Variants in FMO4 observed in about 807,000 individuals in gnomAD.
FMO4 encodes dimethylaniline monooxygenase [N-oxide-forming] 4.
Under a neutral mutation model 43.3 loss-of-function variants are expected in FMO4, and 38 were observed. That is an observed-to-expected ratio of 0.88 (90% confidence interval 0.68 to 1.15). FMO4 has a LOEUF of 1.15. FMO4 is among the 50% of genes most tolerant of loss of function. FMO4 has a pLI of 0.00. For missense variants in FMO4, 631 were observed against 663.3 expected (o/e 0.95, Z 0.54); for synonymous variants, 224 against 232.2 (o/e 0.96, Z 0.32).
At chr1:171,314,814 A>G (rs1662129601) in intron 1 of FMO4, among the ~76,000 whole-genome samples, 1 of 152,184 alleles carries the variant, frequency 6.6e-6, no homozygotes, top group Non-Finnish European at 1.5e-5. Context: ...AGAAACATAA[A>G]ATGATCAAAT....
chr1:171,331,571 C>A, intron 5 of FMO4, 69 bp from the exon 6 acceptor site: 3 of 1,483,770 alleles, frequency 2.0e-6, no homozygotes, highest in South Asian at 1.2e-5. Context: ...TTCCACAGAC[C>A]CTATCCCTGC....
intron 1 of FMO4, among the ~76,000 whole-genome samples, chr1:171,315,617 C>T (rs1662166231): frequency 1.3e-5 from 2 of 152,178 alleles, no homozygotes; most frequent in Admixed American, 1.3e-4. Context: ...AACTAGAACT[C>T]AGATCTCTCA....
chr1:171,332,635 T>C, intron 6 of FMO4, 74 bp from the exon 7 acceptor site: 2 of 1,269,818 alleles, frequency 1.6e-6, no homozygotes, highest in Non-Finnish European at 2.3e-6. Context: ...TAAGATCATT[T>C]GAAACACACT....
intron 3 of FMO4, among the ~76,000 whole-genome samples, chr1:171,322,313 T>A (rs60209650): frequency 0.022 from 3,414 of 152,194 alleles, 128 homozygotes; most frequent in African/African-American, 0.075. Flanking sequence ...AAAAGGAACA[T>A]GTCCAGGGCA....
chr1:171,319,672 C>A, intron 2 of FMO4, 146 bp from the exon 3 acceptor site: 2 of 638,892 alleles, frequency 3.1e-6, no homozygotes, highest in Non-Finnish European at 5.4e-6. Context: ...GATTTCAGAG[C>A]CTGGATTTTT....
At chr1:171,331,895 A>C (rs1381787229) in intron 6 of FMO4, 113 bp downstream of exon 6, 4 of 822,542 alleles carry the variant, frequency 4.9e-6, no homozygotes, top group Non-Finnish European at 7.6e-6. Flanking sequence ...GCAGACACAC[A>C]GTAAGTGGGA....
intron 2 of FMO4, among the ~76,000 whole-genome samples, chr1:171,318,988 A>G (rs1662302471): frequency 1.3e-5 from 2 of 152,336 alleles, no homozygotes; most frequent in East Asian, 3.9e-4. Context: ...TAGAGGTGTC[A>G]TAAAATTAAT....
chr1:171,327,417 C>T (rs1356571696), intron 5 of FMO4, among the ~76,000 whole-genome samples: 1 of 152,164 alleles, frequency 6.6e-6, no homozygotes, highest in Non-Finnish European at 1.5e-5. Flanking sequence ...CTGTATGGTT[C>T]TGGGCAAGTT....
Position 171,324,177 on chromosome 1 carries a change from G to GA in FMO4, c.364dup (p.Thr122AsnfsTer16), listed in dbSNP as rs768293477. ...CATAACGAAGCGTCCAGACTTCTCC[G>GA]AAACTGGTCAGTGGGATGTTGTCAC... On this transcript the variant is annotated frameshift_variant, in exon 5 of 10. Coordinates refer to ENST00000367749, the MANE Select transcript of FMO4 (RefSeq NM_002022.3). LOFTEE classifies it high-confidence loss of function. 1 of 1,613,352 alleles carries GA rather than the reference G, an allele frequency of 6.2e-7. No homozygotes were observed. The highest frequency in any genetic ancestry group is 1.3e-5 in the African/African-American group (1 of 74,856).
chr1:171,333,146 C>T, intron 7 of FMO4: 2 of 353,758 alleles, frequency 5.7e-6, no homozygotes, highest in Non-Finnish European at 1.0e-5. Flanking sequence ...ATGAAAACTT[C>T]CATTTCCTGC....
chr1:171,331,509 C>T, intron 5 of FMO4, 131 bp from the exon 6 acceptor site: 1 of 776,680 alleles, frequency 1.3e-6, no homozygotes, highest in Non-Finnish European at 2.1e-6. Flanking sequence ...TTTCTACTTC[C>T]TGCCACAAGC....
rs544707397 is a variant in FMO4, at chr1:171,324,986, T to C, written c.484+686T>C. On this transcript the variant is annotated intron_variant, in intron 5 of 9. Transcript: ENST00000367749. ...ATCTGGGCATGATGGCTCATGCCTG[T>C]AATCCCAGCTACTCAGCAGGCTGAG... is the stretch of plus-strand genomic sequence containing the variant. 2.3e-4 allele frequency among the ~76,000 whole-genome samples: 35 copies of C among 152,270 alleles called. No individual in the cohort carries two copies. In the South Asian group the frequency reaches 7.3e-3, roughly 32 times the overall value.
chr1:171,341,438 G>A lies in FMO4; in HGVS notation c.1276G>A (p.Asp426Asn). Reference sequence around the variant, plus strand: ...GGGAGTGTTTAAAGACACCAGCAAAGACAAATTTGACTACATTGCCTACAT... The same window carrying A: ...GGGAGTGTTTAAAGACACCAGCAAAAACAAATTTGACTACATTGCCTACAT... ...KRGVFKDTSKDKFDYIAYMDD... is the reference protein window; with the variant it reads ...KRGVFKDTSKNKFDYIAYMDD... The change falls in exon 10 of 10, where the codon GAC becomes AAC. Residue 426 changes from aspartate to asparagine, a missense_variant. Physicochemically the swap from Asp to Asn is conservative, Grantham distance 23 (BLOSUM62 1). Coordinates refer to ENST00000367749, the MANE Select transcript of FMO4 (RefSeq NM_002022.3). 1 of 1,613,780 alleles carries A rather than the reference G, an allele frequency of 6.2e-7. No homozygotes were observed. Among genetic ancestry groups the A allele is most frequent in the Non-Finnish European group, 8.5e-7 (1 of 1,179,858 alleles).
intron 3 of FMO4, among the ~76,000 whole-genome samples, chr1:171,321,282 C>A (rs554487622): frequency 6.6e-6 from 1 of 151,920 alleles, no homozygotes; most frequent in Non-Finnish European, 1.5e-5. Context: ...CAAATTAGTA[C>A]TATTAACATT....
At chr1:171,319,606 G>C (rs950702625) in intron 2 of FMO4, among the ~76,000 whole-genome samples, 1 of 152,030 alleles carries the variant, frequency 6.6e-6, no homozygotes, top group African/African-American at 2.4e-5. Flanking sequence ...AGGATAGTTA[G>C]CCCAAGATCA....
chr1:171,318,539 T>G (rs1662284141), intron 2 of FMO4, among the ~76,000 whole-genome samples: 1 of 152,106 alleles, frequency 6.6e-6, no homozygotes, highest in South Asian at 2.1e-4. Context: ...TCAAGTCTTT[T>G]CAGATTTTGG....
chr1:171,341,979 C>A lies in FMO4; in HGVS notation c.*140C>A, dbSNP rs760966400. ...TCTCCTATCTGAATTATTGTATTAT[C>A]TTCTTCTTTGTTTTCAGTACCCTCT... On this transcript the variant is annotated 3_prime_UTR_variant, in exon 10 of 10. Transcript: ENST00000367749. 2.3e-5 allele frequency: 15 copies of A among 646,036 alleles called. No homozygotes were observed. The highest frequency in any genetic ancestry group is 2.1e-4 in the Admixed American group (7 of 33,540). 40.0% of individuals were successfully genotyped at this position (646,036 alleles called of 1,614,324 possible). A position where few individuals can be genotyped will look rare whatever the true frequency, so the allele number is the denominator to read the frequency against.
chr1:171,334,325 ATT>A (rs1663020580), intron 7 of FMO4, 84 bp from the exon 8 acceptor site: 2 of 792,708 alleles, frequency 2.5e-6, no homozygotes, highest in Non-Finnish European at 4.0e-6. Flanking sequence ...TTGGCAGGTA[ATT>A]TCCCTGAATT....
chr1:171,330,899 GATCA>G (rs1477359845), intron 5 of FMO4, among the ~76,000 whole-genome samples: 1 of 152,152 alleles, frequency 6.6e-6, no homozygotes, highest in Admixed American at 6.5e-5. Flanking sequence ...CTTCATGAAA[GATCA>G]ATCAGAAACA....
Sources: gnomAD v4.1 joint callset for allele counts (sites outside exome capture counted in the v4.1 genomes callset) on GRCh38, gnomAD v4.1.1 for gene constraint, MANE v1.5 for transcripts, NCBI Gene and HGNC (gene_info 2026-07-23, HGNC 2026-07-21) for gene names.